C4BPB: variants seen among roughly 807,000 people sequenced by gnomAD.
C4BPB encodes the protein C4b-binding protein beta chain.
In C4BPB, 19 loss-of-function variants were observed where a neutral mutation model predicts 26.6. The ratio of observed to expected loss-of-function variants is 0.71; its 90% CI spans 0.50 to 1.05. C4BPB has a LOEUF of 1.05. Among genes scored for constraint, C4BPB ranks in the 50% least tolerant of loss-of-function variants. The pLI is 0.00. For missense variants in C4BPB, 282 were observed against 302.9 expected (o/e 0.93, Z 0.51); for synonymous variants, 118 against 103.5 (o/e 1.14, Z -0.85).
intron 1 of C4BPB, chr1:207,089,232 G>C (rs1683922949): frequency 2.6e-6 from 1 of 384,740 alleles, no homozygotes; most frequent in African/African-American, 2.1e-5. Context: ...TGGTCAACTG[G>C]ATTTGCATTC....
intron 1 of C4BPB, 160 bp from the exon 2 acceptor site, chr1:207,089,322 C>G: frequency 1.9e-6 from 1 of 512,892 alleles, no homozygotes. Context: ...TGCAGTTCCT[C>G]CCTATACCAG....
At chr1:207,090,098 C>G (rs1035776672) in intron 2 of C4BPB, among the ~76,000 whole-genome samples, 19 of 152,156 alleles carry the variant, frequency 1.2e-4, no homozygotes, top group Admixed American at 9.8e-4. Flanking sequence ...AGTGAAACCC[C>G]GTCTCTGCTG....
chr1:207,090,300 T>G lies in C4BPB; in HGVS notation c.59-8T>G. On this transcript the variant is annotated splice_region_variant and splice_polypyrimidine_tract_variant and intron_variant, in intron 2 of 6. Coordinates refer to ENST00000367078, the MANE Select transcript of C4BPB (RefSeq NM_001017365.3). ...TGCCAAGTGAATCTGTTTTCTTTTT[T>G]CTTCCAGCAGAGCACTGTCCAGAGC... 6.3e-7 allele frequency: 1 copy of G among 1,587,852 alleles called. No homozygotes were observed. The highest frequency in any genetic ancestry group is 8.5e-7 in the Non-Finnish European group (1 of 1,170,330).
chr1:207,094,596 A>C (rs1239184125), intron 4 of C4BPB, among the ~76,000 whole-genome samples: 1 of 152,172 alleles, frequency 6.6e-6, no homozygotes, highest in East Asian at 1.9e-4. Flanking sequence ...TCACTTCATT[A>C]TCTAAATCTA....
At chr1:207,092,681 G>T (rs1479956663) in intron 4 of C4BPB, among the ~76,000 whole-genome samples, 2 of 148,018 alleles carry the variant, frequency 1.4e-5, no homozygotes, top group African/African-American at 5.0e-5. Context: ...AGGCTGGAGT[G>T]CAGTGGTGTG....
intron 5 of C4BPB, among the ~76,000 whole-genome samples, chr1:207,097,540 T>A (rs926118369): frequency 1.4e-4 from 16 of 115,850 alleles, no homozygotes; most frequent in Admixed American, 1.8e-4. Context: ...TATGTTTTTC[T>A]AAAAAAAAAA....
In C4BPB at chr1:207,098,283, T is replaced by A. The variant is rs758928118; in HGVS notation, c.618+19T>A. ...GGCACTTGTAAGTAGGAGGCTCATA[T>A]CTGTCTTGTTCACAGCTGGATCTCC... On this transcript the variant is annotated intron_variant, in intron 6 of 6. Transcript: ENST00000367078. The A allele has an allele frequency of 2.1e-5, 30 of 1,413,014 alleles. 1 individual carries two copies. In the East Asian group the frequency reaches 6.4e-4, roughly 30 times the overall value. 87.5% of individuals were successfully genotyped at this position (1,413,014 alleles called of 1,614,324 possible). A position where few individuals can be genotyped will look rare whatever the true frequency, so the allele number is the denominator to read the frequency against.
rs765336482 is a variant in C4BPB at position 207,090,309 on chromosome 1, A to G, written c.60A>G (p.Ala20=). ...AATCTGTTTTCTTTTTTCTTCCAGCAGAGCACTGTCCAGAGCTTCCTCCAG... is the reference window on the plus strand; with the variant it reads ...AATCTGTTTTCTTTTTTCTTCCAGCGGAGCACTGTCCAGAGCTTCCTCCAG... ...MVAWRVSASD[A]EHCPELPPVD... is the part of the protein sequence containing the mutation. Residue 20 remains alanine (A), a splice_region_variant and synonymous_variant, in exon 3 of 7, where the codon GCA becomes GCG. Transcript: ENST00000367078. 6.2e-7 allele frequency: 1 copy of G among 1,603,948 alleles called. No individual in the cohort carries two copies. Among genetic ancestry groups the G allele is most frequent in the Non-Finnish European group, 8.5e-7 (1 of 1,176,700 alleles).
Position 207,099,808 on chromosome 1 carries a change from A to T in C4BPB, c.638A>T (p.Lys213Met). Residue 213 changes from lysine (K) to methionine (M), a missense_variant, in exon 7 of 7, where the codon AAG becomes ATG. Coordinates refer to ENST00000367078, the MANE Select transcript of C4BPB (RefSeq NM_001017365.3). Reference protein sequence around the residue: ...EKALLAFQESKNLCEAMENFM... With the variant: ...EKALLAFQESMNLCEAMENFM... ...CTTCAGCTTGCCTTTCAGGAGAGTA[A>T]GAACCTCTGCGAAGCCATGGAGAAC... is the stretch of plus-strand genomic sequence containing the variant. 4 of 1,613,602 alleles carry T rather than the reference A, an allele frequency of 2.5e-6. No homozygotes were observed. Among genetic ancestry groups the T allele is most frequent in the Non-Finnish European group, 3.4e-6 (4 of 1,179,836 alleles).
In C4BPB at chr1:207,090,444, C is replaced by T. The variant is rs780531381; in HGVS notation, c.195C>T (p.Ala65=). ...LVGKKTLFCN[A]SKEWDNTTTE... is the part of the protein sequence containing the mutation. ...GAAAGAAGACCCTTTTTTGCAATGCCTCTAAGGAGTGGGATAACACCACTA... is the reference window on the plus strand; with the variant it reads ...GAAAGAAGACCCTTTTTTGCAATGCTTCTAAGGAGTGGGATAACACCACTA... Residue 65 remains alanine (A), a synonymous_variant, in exon 3 of 7, where the codon GCC becomes GCT. Coordinates refer to ENST00000367078, the MANE Select transcript of C4BPB (RefSeq NM_001017365.3). The T allele has an allele frequency of 3.1e-6, 5 of 1,613,748 alleles. No homozygotes were observed. The highest frequency in any genetic ancestry group is 4.2e-6 in the Non-Finnish European group (5 of 1,179,778).
intron 2 of C4BPB, 52 bp downstream of exon 2, chr1:207,089,641 G>A (rs762334688): frequency 4.8e-6 from 7 of 1,444,928 alleles, no homozygotes; most frequent in East Asian, 4.5e-5. Context: ...GTCCTTTTGC[G>A]GTGTTTTGAG....
intron 4 of C4BPB, 151 bp from the exon 5 acceptor site, chr1:207,096,371 T>G: frequency 1.5e-6 from 1 of 646,996 alleles, no homozygotes; most frequent in Non-Finnish European, 2.8e-6. Context: ...GGTTTCCAGA[T>G]CCCGCAGGTG....
Position 207,098,233 on chromosome 1 carries a change from A to T in C4BPB, c.587A>T (p.Glu196Val), listed in dbSNP as rs1572762928. The T allele has an allele frequency of 6.2e-7, 1 of 1,613,790 alleles. No individual in the cohort carries two copies. The highest frequency in any genetic ancestry group is 2.2e-5 in the East Asian group (1 of 44,874). ...CTTCCAGTCTGCAAGTTGATCCAGG[A>T]AGCTCCCAAACCAGAGTGTGAGAAG... ...SALPVCKLIQ[E>V]APKPECEKAL... The change falls in exon 6 of 7, where the codon GAA becomes GTA. Residue 196 changes from glutamate to valine, a missense_variant. By Grantham distance (121) the Glu-to-Val change is moderately radical (BLOSUM62 -2). Coordinates refer to ENST00000367078, the MANE Select transcript of C4BPB (RefSeq NM_001017365.3).
chr1:207,090,746 T>C (rs1367472744), intron 3 of C4BPB, among the ~76,000 whole-genome samples: 2 of 152,222 alleles, frequency 1.3e-5, no homozygotes, highest in Non-Finnish European at 2.9e-5. Context: ...GAACTAATTT[T>C]TTTTTGCTAT....
intron 4 of C4BPB, among the ~76,000 whole-genome samples, chr1:207,094,562 C>T (rs1360906562): frequency 1.3e-5 from 2 of 152,204 alleles, no homozygotes; most frequent in Admixed American, 1.3e-4. Context: ...TAGCTCTTAA[C>T]CACAGGATCC....
chr1:207,097,472 C>CA (rs1162556864), intron 5 of C4BPB, among the ~76,000 whole-genome samples: 1 of 145,450 alleles, frequency 6.9e-6, no homozygotes, highest in African/African-American at 2.5e-5. Flanking sequence ...CTTGGTTTCC[C>CA]AAAGTCCTGG....
chr1:207,090,301 C>G lies in C4BPB; in HGVS notation c.59-7C>G, dbSNP rs1222985899. 1.3e-6 allele frequency: 2 copies of G among 1,588,014 alleles called. No individual in the cohort carries two copies. The highest frequency in any genetic ancestry group is 1.9e-5 in the Admixed American group (1 of 53,460). Reference sequence around the variant, plus strand: ...GCCAAGTGAATCTGTTTTCTTTTTTCTTCCAGCAGAGCACTGTCCAGAGCT... The same window carrying G: ...GCCAAGTGAATCTGTTTTCTTTTTTGTTCCAGCAGAGCACTGTCCAGAGCT... On this transcript the variant is annotated splice_region_variant and splice_polypyrimidine_tract_variant and intron_variant, in intron 2 of 6. Coordinates refer to ENST00000367078, the MANE Select transcript of C4BPB (RefSeq NM_001017365.3).
Position 207,089,465 on chromosome 1 carries a change from AT to A in C4BPB, c.-50-9del. ...GGTCTTAAGCAGTGTTAGAAGATCT[AT>A]TTTTTTTCAAACCAGGTGTCTGAGC... On this transcript the variant is annotated splice_polypyrimidine_tract_variant and intron_variant, in intron 1 of 6. Coordinates refer to ENST00000367078, the MANE Select transcript of C4BPB (RefSeq NM_001017365.3). 60 of 1,424,030 alleles carry A rather than the reference AT, an allele frequency of 4.2e-5. No individual in the cohort carries two copies. Among genetic ancestry groups the A allele is most frequent in the African/African-American group, 5.6e-5 (4 of 71,134 alleles). 88.2% of individuals were successfully genotyped at this position (1,424,030 alleles called of 1,614,324 possible). A position where few individuals can be genotyped will look rare whatever the true frequency, so the allele number is the denominator to read the frequency against.
chr1:207,090,194 C>A, intron 2 of C4BPB, 114 bp from the exon 3 acceptor site: 1 of 818,166 alleles, frequency 1.2e-6, no homozygotes, highest in Non-Finnish European at 1.9e-6. Context: ...TTGGGAAGAG[C>A]ACAGGAATCA....
Sources: gnomAD v4.1 joint callset for allele counts (sites outside exome capture counted in the v4.1 genomes callset) on GRCh38, gnomAD v4.1.1 for gene constraint, MANE v1.5 for transcripts, NCBI Gene and HGNC (gene_info 2026-07-23, HGNC 2026-07-21) for gene names.